CDH4: variants seen among roughly 807,000 people sequenced by gnomAD.
CDH4 encodes the protein cadherin 4.
A neutral mutation model predicts 86.0 loss-of-function variants in CDH4; 33 were observed. The observed-to-expected ratio is 0.38, with a 90% CI of 0.29 to 0.51. The LOEUF is 0.51. Ranked by LOEUF, CDH4 falls within the 20% of genes least tolerant of loss-of-function variation. The pLI, the probability that CDH4 is intolerant of heterozygous loss-of-function variation, is 0.86. For synonymous variants in CDH4, 555 were observed against 549.4 expected, an observed-to-expected ratio of 1.01 and a Z score of -0.14; for missense variants, 1,114 against 1,307.4, an observed-to-expected ratio of 0.85 and a Z score of 2.28.
At chr20:61,714,510 T>A (rs1018602740) in intron 2 of CDH4, among the ~76,000 whole-genome samples, 2 of 152,184 alleles carry the variant, frequency 1.3e-5, no homozygotes, top group African/African-American at 4.8e-5. Flanking sequence ...GAGATTGTCA[T>A]GTAGTGGACA....
rs1386031931 is a variant in CDH4, at chr20:61,518,920, C to A, written c.170-224643C>A. Among the ~76,000 whole-genome samples the A allele has an allele frequency of 6.6e-6, 1 of 152,120 alleles. No individual in the cohort carries two copies. Among genetic ancestry groups the A allele is most frequent in the Admixed American group, 6.5e-5 (1 of 15,276 alleles). ...CATTCATCCATCATTCATTCATCTA[C>A]CCACCTCATTCATCCATCATTCATT... On this transcript the variant is annotated intron_variant, in intron 2 of 15. Coordinates refer to ENST00000614565, the MANE Select transcript of CDH4 (RefSeq NM_001794.5). The surrounding 1 kb of genome is among the most constrained non-coding windows in gnomAD (Gnocchi z 6.3).
Position 61,480,755 on chromosome 20 carries a change from C to T in CDH4, c.169+225818C>T, listed in dbSNP as rs75786640. ...GGCCTGATGTTGCATTATCATTCCACCAAAAGAGGTCACGAGACTAGAATT... is the reference window on the plus strand; with the variant it reads ...GGCCTGATGTTGCATTATCATTCCATCAAAAGAGGTCACGAGACTAGAATT... On this transcript the variant is annotated intron_variant, in intron 2 of 15. Transcript: ENST00000614565. The surrounding 1 kb of genome is among the most constrained non-coding windows in gnomAD (Gnocchi z 5.2). 4.7e-3 allele frequency among the ~76,000 whole-genome samples: 714 copies of T among 152,336 alleles called. 8 individuals are homozygous for T. The highest frequency in any genetic ancestry group is 0.016 in the African/African-American group (663 of 41,580).
intron 2 of CDH4, among the ~76,000 whole-genome samples, chr20:61,365,391 C>A (rs4074394): frequency 0.18 from 26,731 of 151,994 alleles, 3,038 homozygotes; most frequent in East Asian, 0.36. Context: ...TGGTCCATCA[C>A]GGGAGGGACG....
rs182993443 is a variant in CDH4 at position 61,804,207 on chromosome 20, G to A, written c.576+31025G>A. ...CCGCCCGAACTGCTGTGCTGAGGAC[G>A]GGGCTGGAGATTCGCCCTCAGGTGA... is the stretch of plus-strand genomic sequence containing the variant. On this transcript the variant is annotated intron_variant, in intron 4 of 15. Coordinates refer to ENST00000614565, the MANE Select transcript of CDH4 (RefSeq NM_001794.5). Among the ~76,000 whole-genome samples the A allele has an allele frequency of 1.8e-4, 28 of 152,346 alleles. No homozygotes were observed. In the East Asian group the frequency reaches 2.5e-3, roughly 14 times the overall value.
Position 61,879,836 on chromosome 20 carries a change from G to A in CDH4, c.1050+5936G>A, listed in dbSNP as rs538751269. Among the ~76,000 whole-genome samples the A allele has an allele frequency of 1.2e-4, 18 of 152,254 alleles. No individual in the cohort carries two copies. The highest frequency in any genetic ancestry group is 3.4e-3 in the Middle Eastern group (1 of 294). ...TCAGCGTCCCTTCCAGGCTGCTCCC[G>A]AGGATGTTGATTTTGTTATTAGAAA... On this transcript the variant is annotated intron_variant, in intron 7 of 15. Transcript: ENST00000614565. The surrounding 1 kb of genome is among the most constrained non-coding windows in gnomAD (Gnocchi z 4.1).
intron 2 of CDH4, among the ~76,000 whole-genome samples, chr20:61,299,731 A>C (rs1259920461): frequency 6.6e-6 from 1 of 152,286 alleles, no homozygotes; most frequent in East Asian, 1.9e-4. Flanking sequence ...CCGGGCTGTC[A>C]TCTCTCAAGC....
chr20:61,652,941 T>TA lies in CDH4; in HGVS notation c.170-90622_170-90621insA, dbSNP rs200208714. 1.8e-3 allele frequency among the ~76,000 whole-genome samples: 204 copies of TA among 116,022 alleles called. 3 individuals carry two copies. The highest frequency in any genetic ancestry group is 2.3e-3 in the African/African-American group (79 of 34,098). The allele number at this position is 116,022 out of a possible 152,430, so 76.1% of individuals were successfully genotyped here. A position where few individuals can be genotyped will look rare whatever the true frequency, so the allele number is the denominator to read the frequency against. ...GAATTTATTTATTTATTTATTTATT[T>TA]TTTTTTTTTTTTTTATTGATCATTC... On this transcript the variant is annotated intron_variant, in intron 2 of 15. Coordinates refer to ENST00000614565, the MANE Select transcript of CDH4 (RefSeq NM_001794.5).
intron 2 of CDH4, among the ~76,000 whole-genome samples, chr20:61,735,255 G>A (rs2088248201): frequency 6.6e-6 from 1 of 152,186 alleles, no homozygotes; most frequent in African/African-American, 2.4e-5. Flanking sequence ...GCTGGAATTA[G>A]GGACCCCAGA....
chr20:61,932,947 C>A (rs770841229), intron 13 of CDH4, 38 bp from the exon 14 acceptor site: 1 of 1,597,672 alleles, frequency 6.3e-7, no homozygotes, highest in Non-Finnish European at 8.6e-7. Context: ...TGCGCACACC[C>A]GCAGCACACC....
At chr20:61,675,155 T>C (rs1204641096) in intron 2 of CDH4, among the ~76,000 whole-genome samples, 1 of 152,252 alleles carries the variant, frequency 6.6e-6, no homozygotes, top group African/African-American at 2.4e-5. Context: ...TCCCTGCAGC[T>C]GGTAGATGTG....
chr20:61,281,693 G>C (rs569927759), intron 2 of CDH4, among the ~76,000 whole-genome samples: 1 of 152,200 alleles, frequency 6.6e-6, no homozygotes, highest in Non-Finnish European at 1.5e-5. Context: ...CTCAGTGTTG[G>C]GGGGCAAGGC....
chr20:61,346,815 C>G (rs915082491), intron 2 of CDH4, among the ~76,000 whole-genome samples: 3 of 152,104 alleles, frequency 2.0e-5, no homozygotes, highest in African/African-American at 7.2e-5. Flanking sequence ...CAGCAGGAAG[C>G]CAGGCTCTGC....
chr20:61,458,597 ATAATGG>A (rs2085423421), intron 2 of CDH4, among the ~76,000 whole-genome samples: 1 of 151,464 alleles, frequency 6.6e-6, no homozygotes, highest in African/African-American at 2.4e-5. Context: ...TTGGATAGTC[ATAATGG>A]TAATGGTAAT....
intron 2 of CDH4, among the ~76,000 whole-genome samples, chr20:61,390,042 A>G (rs1183805222): frequency 7.0e-6 from 1 of 143,490 alleles, no homozygotes; most frequent in Admixed American, 6.9e-5. Context: ...CCCGATTGAG[A>G]TCGTGCAGTC....
rs1310464969 is a variant in CDH4 at position 61,568,841 on chromosome 20, G to C, written c.170-174722G>C. On this transcript the variant is annotated intron_variant, in intron 2 of 15. Transcript: ENST00000614565. The stretch of plus-strand genomic sequence containing the variant: ...TCCTTCCTGGGAGGCTGCAGCTCAC[G>C]CACCTGCATTGCATGAGTGGATTTT... 2.6e-5 allele frequency among the ~76,000 whole-genome samples: 4 copies of C among 152,186 alleles called. No individual in the cohort carries two copies. The South Asian group carries it at 8.3e-4, about 31-fold the overall frequency.
chr20:61,480,929 T>A lies in CDH4; in HGVS notation c.169+225992T>A, dbSNP rs1366434333. Among the ~76,000 whole-genome samples the A allele has an allele frequency of 3.3e-5, 5 of 152,194 alleles. No individual in the cohort carries two copies. In the East Asian group the frequency reaches 9.6e-4, roughly 29 times the overall value. ...TGCGACCAAGATTATACAACTCGGA[T>A]GCTACTGTTTATAAAGTGTGTCCAC... On this transcript the variant is annotated intron_variant, in intron 2 of 15. Coordinates refer to ENST00000614565, the MANE Select transcript of CDH4 (RefSeq NM_001794.5). This position sits in a 1 kb window ranked among gnomAD's most constrained non-coding sequence, Gnocchi z 5.2.
intron 2 of CDH4, among the ~76,000 whole-genome samples, chr20:61,564,516 C>T (rs867081458): frequency 4.6e-5 from 7 of 152,112 alleles, no homozygotes; most frequent in African/African-American, 1.2e-4. Context: ...CCCCCTCCCT[C>T]GTGCTCTCAC....
intron 2 of CDH4, among the ~76,000 whole-genome samples, chr20:61,403,597 G>A (rs557601950): frequency 2.0e-5 from 3 of 152,114 alleles, no homozygotes; most frequent in Admixed American, 6.5e-5. Context: ...AGACTAGGAC[G>A]GGACTTTTTC....
At chr20:61,732,126 G>A (rs940592018) in intron 2 of CDH4, among the ~76,000 whole-genome samples, 37 of 152,200 alleles carry the variant, frequency 2.4e-4, no homozygotes, top group Non-Finnish European at 3.8e-4. Flanking sequence ...AAAGTGGCTC[G>A]AGTGCATTAC....
Sources: gnomAD v4.1 joint callset for allele counts (sites outside exome capture counted in the v4.1 genomes callset) on GRCh38, gnomAD v4.1.1 for gene constraint, Gnocchi (gnomAD v3.1) non-coding constraint, MANE v1.5 for transcripts, NCBI Gene and HGNC (gene_info 2026-07-23, HGNC 2026-07-21) for gene names.